PHTF1: variants seen among roughly 807,000 people sequenced by gnomAD.
The protein encoded by PHTF1 is protein PHTF1.
A neutral mutation model predicts 102.4 loss-of-function variants in PHTF1; 88 were observed. That is an observed-to-expected ratio of 0.86 (90% CI 0.72 to 1.03). The LOEUF is 1.03. Among genes scored for constraint, PHTF1 ranks in the 50% least tolerant of loss-of-function variants. PHTF1 has a pLI of 0.00. For synonymous variants in PHTF1, 289 were observed against 305.2 expected (o/e 0.95, Z 0.55); for missense variants, 814 against 909.5 (o/e 0.89, Z 1.35).
chr1:113,729,581 A>T (rs1366817039), intron 5 of PHTF1, among the ~76,000 whole-genome samples: 1 of 152,156 alleles, frequency 6.6e-6, no homozygotes, highest in African/African-American at 2.4e-5. Context: ...TTTGATTGGC[A>T]TTTGATCCCA....
rs757719306 is a variant in PHTF1, at chr1:113,710,433, T to C, written c.1090A>G (p.Met364Val). Residue 364 changes from methionine (M) to valine (V), a missense_variant, in exon 11 of 19, where the codon ATG becomes GTG. By Grantham distance (21) the Met-to-Val change is conservative. Transcript: ENST00000369604. ...GTGCTTTCTGAGTCTCTTCTTGACA[T>C]GTTGAGGCTTCGAGAGCCACCACTC... ...GVSGGSRSLN[M>V]SRRDSESTRH... The C allele has an allele frequency of 6.2e-7, 1 of 1,614,086 alleles. No homozygotes were observed. The highest frequency in any genetic ancestry group is 8.5e-7 in the Non-Finnish European group (1 of 1,180,014).
At chr1:113,748,177 C>A (rs1657509869) in intron 3 of PHTF1, among the ~76,000 whole-genome samples, 1 of 152,132 alleles carries the variant, frequency 6.6e-6, no homozygotes, top group Non-Finnish European at 1.5e-5. Context: ...TAGGATCTCA[C>A]TTTGTTGCCC....
chr1:113,745,094 TA>T (rs766961876), intron 3 of PHTF1, among the ~76,000 whole-genome samples: 6 of 151,376 alleles, frequency 4.0e-5, no homozygotes, highest in Non-Finnish European at 5.9e-5. Flanking sequence ...GAATAAGAGA[TA>T]GCATGGTAAA....
intron 5 of PHTF1, among the ~76,000 whole-genome samples, chr1:113,737,256 G>C (rs1458788945): frequency 6.6e-6 from 1 of 152,052 alleles, no homozygotes; most frequent in East Asian, 1.9e-4. Flanking sequence ...GAGACAAAAA[G>C]AAGAACAAGT....
At chr1:113,750,809 A>G (rs1310678599) in intron 3 of PHTF1, among the ~76,000 whole-genome samples, 1 of 150,178 alleles carries the variant, frequency 6.7e-6, no homozygotes, top group Non-Finnish European at 1.5e-5. Context: ...TGAGCACTGC[A>G]CTCCAGCCTG....
chr1:113,733,196 C>A (rs1325822485), intron 5 of PHTF1, among the ~76,000 whole-genome samples: 1 of 151,082 alleles, frequency 6.6e-6, no homozygotes. Context: ...GCCACTGCCC[C>A]CCACCTAGAT....
intron 6 of PHTF1, chr1:113,725,569 C>T: frequency 6.6e-6 from 1 of 152,110 alleles, no homozygotes; most frequent in East Asian, 1.9e-4. Context: ...CTGCATATAC[C>T]TAAGAACATT....
At chr1:113,730,896 G>C (rs375146388) in intron 5 of PHTF1, among the ~76,000 whole-genome samples, 1 of 152,322 alleles carries the variant, frequency 6.6e-6, no homozygotes, top group South Asian at 2.1e-4. Flanking sequence ...GTTATGCTAA[G>C]TGAAATAAGC....
At chr1:113,699,436 C>T in intron 17 of PHTF1, 1 of 598,130 alleles carries the variant, frequency 1.7e-6, no homozygotes, top group South Asian at 1.5e-5. Flanking sequence ...AGATCTCCTC[C>T]AGGGACTTGA....
At chr1:113,701,852 A>AAAAAAAAAC (rs1649485686) in intron 15 of PHTF1, among the ~76,000 whole-genome samples, 1 of 143,808 alleles carries the variant, frequency 7.0e-6, no homozygotes, top group Admixed American at 7.1e-5. Flanking sequence ...AAAAAAAAAA[A>AAAAAAAAAC]AAAAAAATCA....
chr1:113,755,177 CTTTT>C (rs1658668583), intron 3 of PHTF1, among the ~76,000 whole-genome samples: 1 of 150,630 alleles, frequency 6.6e-6, no homozygotes, highest in Non-Finnish European at 1.5e-5. Flanking sequence ...CTTATTTGTT[CTTTT>C]ATTTTTTGTT....
intron 7 of PHTF1, 62 bp downstream of exon 7, chr1:113,724,697 G>A: frequency 1.5e-6 from 2 of 1,345,136 alleles, no homozygotes; most frequent in South Asian, 1.4e-5. Flanking sequence ...CCTATGGCCT[G>A]ATGATACTAT....
At chr1:113,724,939 C>A in intron 6 of PHTF1, 46 bp from the exon 7 acceptor site, 1 of 1,391,316 alleles carries the variant, frequency 7.2e-7, no homozygotes, top group Non-Finnish European at 9.9e-7. Context: ...AAGACCCTTT[C>A]TATTTCTGCC....
chr1:113,737,141 A>T (rs6537796), intron 5 of PHTF1, among the ~76,000 whole-genome samples: 2,147 of 152,362 alleles, frequency 0.014, 58 homozygotes, highest in African/African-American at 0.048. Context: ...AAGAACTCAC[A>T]GACTTGGTGA....
At position 113,744,823 on chromosome 1, in the gene PHTF1, C is replaced by G. The variant is rs1656963874; in HGVS notation, c.103-6024G>C. Among the ~76,000 whole-genome samples, 2 of 152,078 alleles carry G rather than the reference C, an allele frequency of 1.3e-5. 1 individual carries two copies. Among genetic ancestry groups the G allele is most frequent in the African/African-American group, 4.8e-5 (2 of 41,398 alleles). The stretch of plus-strand genomic sequence containing the variant: ...ATTAGCCGGGAGTAGCTGCTATGAG[C>G]CTGTAGTCCCAGCTACTCAGGAGGC... On this transcript the variant is annotated intron_variant, in intron 3 of 18. Coordinates refer to ENST00000369604, the MANE Select transcript of PHTF1 (RefSeq NM_001323043.2).
At chr1:113,751,978 A>G (rs966469536) in intron 3 of PHTF1, among the ~76,000 whole-genome samples, 3 of 152,216 alleles carry the variant, frequency 2.0e-5, no homozygotes, top group Non-Finnish European at 4.4e-5. Context: ...ATTTGTTTTG[A>G]ATATTCTACA....
chr1:113,724,231 T>C (rs1300341288), intron 7 of PHTF1, among the ~76,000 whole-genome samples: 2 of 151,494 alleles, frequency 1.3e-5, no homozygotes, highest in African/African-American at 2.4e-5. Context: ...TAAAGAAAAA[T>C]AGAACTACCA....
Position 113,704,158 on chromosome 1 carries a change from G to A in PHTF1, c.1813C>T (p.Pro605Ser). Reference sequence around the variant, plus strand: ...ACAACCACATCAACTGAACGCTGTGGCCCCCGTCTCTGTGGAGTGAGACAC... The same window carrying A: ...ACAACCACATCAACTGAACGCTGTGACCCCCGTCTCTGTGGAGTGAGACAC... ...SLRSYLKRRG[P>S]QRSVDVVVSS... Residue 605 changes from proline to serine, a missense_variant, in exon 15 of 19, where the codon CCA becomes TCA. By Grantham distance (74) the Pro-to-Ser change is moderately conservative (BLOSUM62 -1). Coordinates refer to ENST00000369604, the MANE Select transcript of PHTF1 (RefSeq NM_001323043.2). 6.2e-7 allele frequency: 1 copy of A among 1,610,928 alleles called. No individual in the cohort carries two copies.
rs1294620389 is a variant in PHTF1, at chr1:113,697,130, C to G, written c.*575G>C. On this transcript the variant is annotated 3_prime_UTR_variant, in exon 19 of 19. Transcript: ENST00000369604. ...AATCGTAAACGAACAAAACATTTCTCCACAGTTTAACAGAAACTCACAGTT... is the reference window on the plus strand; with the variant it reads ...AATCGTAAACGAACAAAACATTTCTGCACAGTTTAACAGAAACTCACAGTT... 1 of 152,408 alleles carries G rather than the reference C, an allele frequency of 6.6e-6. No individual in the cohort carries two copies. The highest frequency in any genetic ancestry group is 1.5e-5 in the Non-Finnish European group (1 of 68,098). The allele number at this position is 152,408 out of a possible 1,614,324, so 9.4% of individuals were successfully genotyped here. A position where few individuals can be genotyped will look rare whatever the true frequency, so the allele number is the denominator to read the frequency against.
Sources: allele counts gnomAD v4.1 joint callset (sites outside exome capture counted in the v4.1 genomes callset), GRCh38; gene constraint gnomAD v4.1.1; transcripts MANE v1.5; gene names NCBI Gene and HGNC (gene_info 2026-07-23, HGNC 2026-07-21).